The following NFATC2 variants were observed in gnomAD, a reference collection of about 807,000 sequenced individuals.
The protein encoded by NFATC2 is nuclear factor of activated T-cells, cytoplasmic 2.
A neutral mutation model predicts 87.3 loss-of-function variants in NFATC2; 22 were observed. That is an observed-to-expected ratio of 0.25 (90% CI 0.18 to 0.36). NFATC2 has a LOEUF of 0.36. NFATC2 is among the 10% of genes least tolerant of loss of function. The probability of loss-of-function intolerance (pLI) is 1.00; values close to 1 mark genes in which losing one functional copy is unlikely to be tolerated. For synonymous variants in NFATC2, 565 were observed against 542.2 expected (o/e 1.04, Z -0.58); for missense variants, 1,149 against 1,259.1 (o/e 0.91, Z 1.32).
intron 4 of NFATC2, among the ~76,000 whole-genome samples, chr20:51,474,483 AATTGAAT>A (rs1403886507): frequency 6.6e-6 from 1 of 152,190 alleles, no homozygotes; most frequent in African/African-American, 2.4e-5. Context: ...AAATCTCTTG[AATTGAAT>A]AAATGTACTG....
intron 10 of NFATC2, among the ~76,000 whole-genome samples, chr20:51,396,427 G>GCCCTTT (rs1987154135): frequency 1.3e-5 from 2 of 152,228 alleles, no homozygotes; most frequent in South Asian, 4.1e-4. Flanking sequence ...CTCACTCTAG[G>GCCCTTT]CCCTTTCCCT....
chr20:51,427,125 C>T (rs1981950319), intron 9 of NFATC2, among the ~76,000 whole-genome samples: 1 of 151,948 alleles, frequency 6.6e-6, no homozygotes, highest in African/African-American at 2.4e-5. Flanking sequence ...CACCCCTGCC[C>T]CCATGTTCTC....
At chr20:51,470,807 T>C (rs769557256) in intron 5 of NFATC2, among the ~76,000 whole-genome samples, 1 of 152,206 alleles carries the variant, frequency 6.6e-6, no homozygotes, top group Non-Finnish European at 1.5e-5. Context: ...ATGGACCTAC[T>C]AGGCACTGGT....
At chr20:51,498,609 A>G (rs2076028797) in intron 3 of NFATC2, among the ~76,000 whole-genome samples, 1 of 152,196 alleles carries the variant, frequency 6.6e-6, no homozygotes, top group South Asian at 2.1e-4. Flanking sequence ...CAACATGGCG[A>G]AACCCCATCC....
intron 1 of NFATC2, among the ~76,000 whole-genome samples, chr20:51,561,484 A>AAAGAAAGAAAGAAAGAAAGAAAGC (rs2077029945): frequency 1.1e-5 from 1 of 89,980 alleles, no homozygotes; most frequent in Admixed American, 1.2e-4. Context: ...AGAAAGAAAG[A>AAAGAAAGAAAGAAAGAAAGAAAGC]AAGCAAGCAA....
intron 3 of NFATC2, 109 bp downstream of exon 3, chr20:51,516,675 A>C: frequency 8.9e-7 from 1 of 1,128,828 alleles, no homozygotes; most frequent in Non-Finnish European, 1.3e-6. Context: ...AAGGAGTAAG[A>C]GGCTGAGACA....
intron 2 of NFATC2, 123 bp from the exon 3 acceptor site, chr20:51,517,078 A>T: frequency 9.7e-7 from 1 of 1,029,072 alleles, no homozygotes. Flanking sequence ...AACAATGAGG[A>T]TACGTTCCGG....
upstream of NFATC2, among the ~76,000 whole-genome samples, chr20:51,543,083 C>G (rs1442477737): frequency 1.1e-4 from 17 of 152,150 alleles, no homozygotes; most frequent in Non-Finnish European, 2.2e-4. Flanking sequence ...GGGGTATCCA[C>G]CCCCTTCTAT....
At chr20:51,525,833 G>A (rs2076535653) in intron 1 of NFATC2, among the ~76,000 whole-genome samples, 1 of 151,782 alleles carries the variant, frequency 6.6e-6, no homozygotes, top group South Asian at 2.1e-4. Flanking sequence ...CCTTTAAAAT[G>A]TCCATTCTCA....
At chr20:51,429,526 A>C (rs141844596) in intron 9 of NFATC2, among the ~76,000 whole-genome samples, 2,693 of 152,316 alleles carry the variant, frequency 0.018, 39 homozygotes, top group Non-Finnish European at 0.027. Flanking sequence ...ATTTCTGCCA[A>C]GTATCAGGAA....
At chr20:51,445,829 G>A (rs893893383) in intron 6 of NFATC2, among the ~76,000 whole-genome samples, 6 of 152,186 alleles carry the variant, frequency 3.9e-5, no homozygotes, top group Non-Finnish European at 8.8e-5. Context: ...TGGAAGCACC[G>A]GGGGCTGAGT....
At position 51,489,232 on chromosome 20, in the gene NFATC2, G is replaced by A. The variant is rs184397505; in HGVS notation, c.1333-13572C>T. On this transcript the variant is annotated intron_variant, in intron 3 of 10. Coordinates refer to ENST00000371564, the MANE Select transcript of NFATC2 (RefSeq NM_012340.5). ...ATGACTTGCAGAAGAGTTCCTGGGA[G>A]GAAGCTCACCAAGATGGTGAGGGGG... 1.2e-3 allele frequency among the ~76,000 whole-genome samples: 183 copies of A among 151,122 alleles called. 2 individuals are homozygous for A. The highest frequency in any genetic ancestry group is 4.3e-3 in the African/African-American group (175 of 40,538).
intron 10 of NFATC2, among the ~76,000 whole-genome samples, chr20:51,394,255 G>T (rs1245428098): frequency 2.6e-5 from 4 of 152,060 alleles, no homozygotes; most frequent in Non-Finnish European, 5.9e-5. Context: ...TTTAAGTTCT[G>T]AGAGGGGGGT....
At chr20:51,401,235 C>T (rs1451538039) in intron 9 of NFATC2, among the ~76,000 whole-genome samples, 11 of 151,842 alleles carry the variant, frequency 7.2e-5, no homozygotes, top group Admixed American at 1.3e-4. Context: ...CTGGGTGTGA[C>T]GGCAGGTGCC....
chr20:51,482,538 A>T (rs943908011), intron 3 of NFATC2, among the ~76,000 whole-genome samples: 15 of 152,198 alleles, frequency 9.9e-5, no homozygotes, highest in African/African-American at 3.6e-4. Flanking sequence ...TTTCCTCTTA[A>T]TTGACAAATA....
At position 51,554,826 on chromosome 20, in the gene NFATC2, A is replaced by G. The variant is rs180863781; in HGVS notation, c.70+7734T>C. Among the ~76,000 whole-genome samples the G allele has an allele frequency of 7.9e-5, 12 of 152,302 alleles. No individual in the cohort carries two copies. In the East Asian group the frequency reaches 2.3e-3, roughly 29 times the overall value. The stretch of plus-strand genomic sequence containing the variant: ...AAGGGACATTTCTGGATCAAGATGA[A>G]ACCCAGAAAAGTCTTCATGACTGCC... On this transcript the variant is annotated intron_variant, in intron 1 of 10. Coordinates refer to the NFATC2 transcript ENST00000414705.
chr20:51,404,840 A>G (rs193245035), intron 9 of NFATC2, among the ~76,000 whole-genome samples: 1 of 152,336 alleles, frequency 6.6e-6, no homozygotes, highest in East Asian at 1.9e-4. Context: ...AGCGTGAGTC[A>G]CTGACGCTCT....
At chr20:51,502,306 C>T (rs770632855) in intron 3 of NFATC2, among the ~76,000 whole-genome samples, 12 of 152,166 alleles carry the variant, frequency 7.9e-5, no homozygotes, top group Non-Finnish European at 1.6e-4. Context: ...AAACTATCTA[C>T]TAATCAGGTT....
chr20:51,518,054 A>G (rs16996060), intron 2 of NFATC2, among the ~76,000 whole-genome samples: 11,412 of 152,250 alleles, frequency 0.075, 645 homozygotes, highest in African/African-American at 0.16. Flanking sequence ...CATATTTCTT[A>G]CACATGACAG....
Sources: allele counts gnomAD v4.1 joint callset (sites outside exome capture counted in the v4.1 genomes callset), GRCh38; gene constraint gnomAD v4.1.1; transcripts MANE v1.5; gene names NCBI Gene and HGNC (gene_info 2026-07-23, HGNC 2026-07-21).